Variants in DOP1B observed in about 807,000 individuals in gnomAD.
DOP1B encodes the protein DOP1 leucine zipper like protein B.
Under a neutral mutation model 233.5 loss-of-function variants are expected in DOP1B, and 174 were observed. The observed-to-expected ratio is 0.75, with a 90% confidence interval of 0.66 to 0.85. The LOEUF is 0.85. DOP1B is among the 40% of genes least tolerant of loss of function. The probability of loss-of-function intolerance (pLI) is 0.00; values close to 1 mark genes in which losing one functional copy is unlikely to be tolerated. For missense variants in DOP1B, 2,652 were observed against 2,846.6 expected, an observed-to-expected ratio of 0.93 and a Z score of 1.56; for synonymous variants, 1,190 against 1,185.6, an observed-to-expected ratio of 1.00 and a Z score of -0.08.
intron 31 of DOP1B, among the ~76,000 whole-genome samples, chr21:36,281,049 A>G (rs1450222680): frequency 6.6e-6 from 1 of 152,198 alleles, no homozygotes; most frequent in Non-Finnish European, 1.5e-5. Context: ...GCTCACGCCA[A>G]TCCCAGCACT....
intron 2 of DOP1B, among the ~76,000 whole-genome samples, chr21:36,190,218 A>T (rs2066216055): frequency 6.7e-6 from 1 of 149,220 alleles, no homozygotes; most frequent in South Asian, 2.1e-4. Context: ...TCAGCCACTC[A>T]GGAGGCTGAG....
chr21:36,289,348 C>T, intron 35 of DOP1B, 142 bp downstream of exon 35: 1 of 852,422 alleles, frequency 1.2e-6, no homozygotes, highest in Non-Finnish European at 1.8e-6. Context: ...GCTCGGAATA[C>T]CAAGTTTCAG....
chr21:36,291,877 G>T (rs1370486630), intron 35 of DOP1B, among the ~76,000 whole-genome samples: 1 of 152,124 alleles, frequency 6.6e-6, no homozygotes, highest in Non-Finnish European at 1.5e-5. Context: ...AAGGGTATAG[G>T]GGGTTGGGGT....
chr21:36,269,177 C>A lies in DOP1B; in HGVS notation c.5488-836C>A, dbSNP rs114398170. ...TTGTTTTTGTTTTTTCTTTTTGAGA[C>A]GAAGTTTCGCTCCTGTTGCCCAGGC... On this transcript the variant is annotated intron_variant, in intron 26 of 36. Transcript: ENST00000691173. Among the ~76,000 whole-genome samples, 1,252 of 152,218 alleles carry A rather than the reference C, an allele frequency of 8.2e-3. 12 individuals are homozygous for A. The highest frequency in any genetic ancestry group is 0.029 in the African/African-American group (1,188 of 41,558).
chr21:36,270,259 G>GAAAT lies in DOP1B; in HGVS notation c.5632+102_5632+103insAAAT, dbSNP rs1461414887. 6 of 1,365,516 alleles carry GAAAT rather than the reference G, an allele frequency of 4.4e-6. No individual in the cohort carries two copies. The East Asian group carries it at 1.4e-4, about 32-fold the overall frequency. The allele number at this position is 1,365,516 out of a possible 1,614,324, so 84.6% of individuals were successfully genotyped here. A position where few individuals can be genotyped will look rare whatever the true frequency, so the allele number is the denominator to read the frequency against. On this transcript the variant is annotated intron_variant, in intron 27 of 36. Transcript: ENST00000691173. ...TGTTCTCACCACAAAAAGAAAGAAA[G>GAAAT]TACTTAAGGTAGGCTGGGTGCGGTG...
chr21:36,259,534 A>G (rs1601458862), intron 23 of DOP1B, among the ~76,000 whole-genome samples: 1 of 152,160 alleles, frequency 6.6e-6, no homozygotes, highest in South Asian at 2.1e-4. Context: ...TGGCTTCCCA[A>G]ACTTCCGGGA....
At chr21:36,275,225 AAG>A (rs1424023137) in intron 27 of DOP1B, among the ~76,000 whole-genome samples, 1 of 152,192 alleles carries the variant, frequency 6.6e-6, no homozygotes, top group East Asian at 1.9e-4. Context: ...AAATTAATTC[AAG>A]AGAGAGGAAG....
Position 36,195,120 on chromosome 21 carries a change from C to A in DOP1B, c.139-3950C>A, listed in dbSNP as rs149091285. On this transcript the variant is annotated intron_variant, in intron 2 of 36. Transcript: ENST00000691173. ...CTTTGGGAGGCCAAGGCAGGTAGATCACTTGTGGCCAGGAGTTCAAGACCA... is the reference window on the plus strand; with the variant it reads ...CTTTGGGAGGCCAAGGCAGGTAGATAACTTGTGGCCAGGAGTTCAAGACCA... 7.2e-3 allele frequency among the ~76,000 whole-genome samples: 1,094 copies of A among 152,198 alleles called. 15 individuals are homozygous for A. The highest frequency in any genetic ancestry group is 0.024 in the African/African-American group (1,016 of 41,526).
chr21:36,171,103 G>C (rs2065968470), intron 2 of DOP1B, among the ~76,000 whole-genome samples: 1 of 152,198 alleles, frequency 6.6e-6, no homozygotes, highest in Non-Finnish European at 1.5e-5. Flanking sequence ...TCAACCACTT[G>C]TGCAAGGCCA....
At position 36,245,202 on chromosome 21, in the gene DOP1B, G is replaced by A; in HGVS notation, c.3222G>A (p.Glu1074=). 1 of 1,614,084 alleles carries A rather than the reference G, an allele frequency of 6.2e-7. No individual in the cohort carries two copies. The part of the protein sequence containing the change: ...REAIWAEVEK[E]PEKYPLRGEL... ...CCATTTGGGCCGAAGTGGAGAAGGA[G>A]CCCGAGAAGTACCCGCTGCGAGGCG... The change falls in exon 19 of 37, where the codon GAG becomes GAA. Residue 1074 remains glutamate (E), a synonymous_variant. Transcript: ENST00000691173. The surrounding 1 kb of genome is among the most constrained non-coding windows in gnomAD (Gnocchi z 5.5).
intron 9 of DOP1B, among the ~76,000 whole-genome samples, chr21:36,215,396 TGAATGAATGAAC>T (rs1204420105): frequency 1.3e-5 from 2 of 151,956 alleles, no homozygotes; most frequent in African/African-American, 4.8e-5. Context: ...TATTTATGAA[TGAATGAATGAAC>T]GAATGAATGA....
At chr21:36,178,561 G>A (rs1033935382) in intron 2 of DOP1B, among the ~76,000 whole-genome samples, 7 of 152,272 alleles carry the variant, frequency 4.6e-5, no homozygotes, top group African/African-American at 7.2e-5. Context: ...CCTTGATTGC[G>A]GACTCCCAAC....
intron 14 of DOP1B, among the ~76,000 whole-genome samples, chr21:36,231,552 T>C (rs991942693): frequency 6.6e-6 from 1 of 152,192 alleles, no homozygotes; most frequent in Non-Finnish European, 1.5e-5. Flanking sequence ...GTGGGGCCTA[T>C]GTTTTTAAAC....
intron 18 of DOP1B, among the ~76,000 whole-genome samples, chr21:36,241,577 C>A (rs556610653): frequency 1.5e-5 from 2 of 136,658 alleles, no homozygotes; most frequent in African/African-American, 2.8e-5. Context: ...GGTGCAATCT[C>A]GGCTCACTGC....
intron 4 of DOP1B, among the ~76,000 whole-genome samples, chr21:36,204,035 C>G (rs2066401164): frequency 2.0e-5 from 3 of 152,184 alleles, no homozygotes; most frequent in African/African-American, 7.2e-5. Context: ...AACTAGCTCA[C>G]CAGATATTTC....
At chr21:36,242,306 G>A (rs2066902256) in intron 18 of DOP1B, among the ~76,000 whole-genome samples, 1 of 151,898 alleles carries the variant, frequency 6.6e-6, no homozygotes, top group Non-Finnish European at 1.5e-5. Flanking sequence ...CCAAGTAGCT[G>A]GGATTACAGG....
chr21:36,280,440 C>T, intron 31 of DOP1B, 94 bp downstream of exon 31: 1 of 843,830 alleles, frequency 1.2e-6, no homozygotes, highest in African/African-American at 1.7e-5. Flanking sequence ...CCTACTCACA[C>T]TTTCATGGTG....
At chr21:36,171,835 C>G in intron 2 of DOP1B, among the ~76,000 whole-genome samples, 1 of 152,178 alleles carries the variant, frequency 6.6e-6, no homozygotes, top group East Asian at 1.9e-4. Context: ...GTTAACACCT[C>G]AGTGCTGGGG....
At chr21:36,169,508 C>T in intron 2 of DOP1B, 1 of 1,117,312 alleles carries the variant, frequency 9.0e-7, no homozygotes, top group Admixed American at 1.8e-5. Context: ...GTAGCCTTTG[C>T]CCTTGGTCAC....
Sources: gnomAD v4.1 joint callset for allele counts (sites outside exome capture counted in the v4.1 genomes callset) on GRCh38, gnomAD v4.1.1 for gene constraint, Gnocchi (gnomAD v3.1) non-coding constraint, MANE v1.5 for transcripts, NCBI Gene and HGNC (gene_info 2026-07-23, HGNC 2026-07-21) for gene names.